Variants in TBC1D14 observed in about 807,000 individuals in gnomAD.
TBC1D14 encodes TBC1 domain family, member 14.
Under a neutral mutation model 79.0 loss-of-function variants are expected in TBC1D14, and 26 were observed. The ratio of observed to expected loss-of-function variants is 0.33; its 90% CI spans 0.24 to 0.46. The LOEUF (loss-of-function observed/expected upper bound fraction) is 0.46. Ranked by LOEUF, TBC1D14 falls within the 20% of genes least tolerant of loss-of-function variation. The probability of loss-of-function intolerance (pLI) is 1.00; values close to 1 mark genes in which losing one functional copy is unlikely to be tolerated. For synonymous variants in TBC1D14, 394 were observed against 349.9 expected, an observed-to-expected ratio of 1.13 and a Z score of -1.40; for missense variants, 769 against 887.6, an observed-to-expected ratio of 0.87 and a Z score of 1.70.
chr4:6,974,133 G>A (rs934657832), intron 3 of TBC1D14, among the ~76,000 whole-genome samples: 3 of 152,036 alleles, frequency 2.0e-5, no homozygotes, highest in African/African-American at 4.8e-5. Context: ...GACATGAGCC[G>A]CTGCGCCCAG....
At chr4:6,979,938 T>A (rs1472068908) in intron 3 of TBC1D14, among the ~76,000 whole-genome samples, 1 of 152,194 alleles carries the variant, frequency 6.6e-6, no homozygotes, top group African/African-American at 2.4e-5. Flanking sequence ...CTGAAACAAA[T>A]GGACACGTCC....
At chr4:6,997,725 T>G (rs1289073494) in intron 5 of TBC1D14, among the ~76,000 whole-genome samples, 1 of 152,208 alleles carries the variant, frequency 6.6e-6, no homozygotes, top group Non-Finnish European at 1.5e-5. Flanking sequence ...TGTGGCCACA[T>G]GAAGGAATCT....
chr4:6,988,705 T>A (rs1718140136), intron 3 of TBC1D14, among the ~76,000 whole-genome samples: 1 of 152,122 alleles, frequency 6.6e-6, no homozygotes, highest in Non-Finnish European at 1.5e-5. Context: ...CCTTTCCTCT[T>A]CTAGGTAAAA....
At chr4:6,926,911 C>G (rs1293429618) in intron 2 of TBC1D14, among the ~76,000 whole-genome samples, 11 of 152,246 alleles carry the variant, frequency 7.2e-5, no homozygotes, top group Non-Finnish European at 1.5e-5. Context: ...TGTTTCCCCA[C>G]TTTGTCCCCT....
intron 3 of TBC1D14, among the ~76,000 whole-genome samples, chr4:6,977,093 T>G (rs200241946): frequency 0.47 from 4,592 of 9,770 alleles, 1,643 homozygotes; most frequent in East Asian, 0.71. Flanking sequence ...CTCTCCCCAC[T>G]GTCTCCCTCT....
At chr4:7,015,165 CG>C (rs1721159684) in intron 12 of TBC1D14, among the ~76,000 whole-genome samples, 1 of 151,600 alleles carries the variant, frequency 6.6e-6, no homozygotes, top group Non-Finnish European at 1.5e-5. Context: ...GGCAGGATTG[CG>C]GGGCCAGGGG....
At chr4:6,962,322 G>A (rs372806477) in intron 2 of TBC1D14, among the ~76,000 whole-genome samples, 12 of 152,258 alleles carry the variant, frequency 7.9e-5, no homozygotes, top group African/African-American at 2.9e-4. Context: ...CGCTGCGACG[G>A]TGCGGGTGGC....
At chr4:6,919,764 G>T (rs1723690771) in intron 1 of TBC1D14, among the ~76,000 whole-genome samples, 1 of 152,060 alleles carries the variant, frequency 6.6e-6, no homozygotes, top group South Asian at 2.1e-4. Context: ...AGGATTACAG[G>T]CGTGCGCCAC....
chr4:6,984,162 T>C (rs6446558), intron 3 of TBC1D14, among the ~76,000 whole-genome samples: 147,730 of 152,246 alleles, frequency 0.97, 71,833 homozygotes, highest in Middle Eastern at 1. Flanking sequence ...ATTAGAAAGC[T>C]GGAATGTGTA....
At chr4:6,929,033 G>A (rs1188482148) in intron 2 of TBC1D14, among the ~76,000 whole-genome samples, 5 of 152,278 alleles carry the variant, frequency 3.3e-5, no homozygotes, top group Admixed American at 2.0e-4. Context: ...TGTTAATATT[G>A]CTGGTGACTT....
At chr4:7,000,966 G>T (rs938196810) in intron 6 of TBC1D14, among the ~76,000 whole-genome samples, 179 bp from the exon 7 acceptor site, 2 of 152,178 alleles carry the variant, frequency 1.3e-5, no homozygotes, top group Non-Finnish European at 2.9e-5. Context: ...GCAGCTGCCA[G>T]TGGAAGGGGA....
intron 3 of TBC1D14, among the ~76,000 whole-genome samples, chr4:6,979,451 C>A (rs561439111): frequency 6.6e-6 from 1 of 152,204 alleles, no homozygotes; most frequent in South Asian, 2.1e-4. Flanking sequence ...CATAGTGAGA[C>A]CCTGTCTCTA....
chr4:6,997,541 G>T (rs1399027174), intron 5 of TBC1D14, among the ~76,000 whole-genome samples: 1 of 152,066 alleles, frequency 6.6e-6, no homozygotes, highest in African/African-American at 2.4e-5. Context: ...CAGGAGAATC[G>T]CTTGAACCCA....
chr4:6,911,578 T>G (rs1296133818), intron 1 of TBC1D14, among the ~76,000 whole-genome samples: 1 of 152,244 alleles, frequency 6.6e-6, no homozygotes, highest in Non-Finnish European at 1.5e-5. Flanking sequence ...TCCCCTGTGT[T>G]CCTTTAGCCC....
intron 10 of TBC1D14, 37 bp downstream of exon 10, chr4:7,009,985 T>A: frequency 6.2e-7 from 1 of 1,610,158 alleles, no homozygotes; most frequent in Non-Finnish European, 8.5e-7. Flanking sequence ...AATGTTGTTA[T>A]CTAAAAAGAA....
At chr4:6,912,852 G>T (rs567439663) in intron 1 of TBC1D14, among the ~76,000 whole-genome samples, 10 of 152,314 alleles carry the variant, frequency 6.6e-5, no homozygotes, top group Admixed American at 3.9e-4. Context: ...ACCAAGGCTC[G>T]GGGAAGTTAA....
chr4:6,916,238 A>G (rs887934569), intron 1 of TBC1D14, among the ~76,000 whole-genome samples: 1 of 152,022 alleles, frequency 6.6e-6, no homozygotes, highest in African/African-American at 2.4e-5. Flanking sequence ...CAGATAGGAC[A>G]GTGGTGCCCC....
chr4:6,990,724 T>C (rs1313460117), intron 3 of TBC1D14, among the ~76,000 whole-genome samples: 2 of 152,150 alleles, frequency 1.3e-5, no homozygotes, highest in Non-Finnish European at 2.9e-5. Context: ...TTTACATATC[T>C]TATCTCTTGA....
At chr4:7,021,977 G>T (rs980335988) in intron 12 of TBC1D14, among the ~76,000 whole-genome samples, 1 of 152,222 alleles carries the variant, frequency 6.6e-6, no homozygotes, top group African/African-American at 2.4e-5. Flanking sequence ...GCTTCTTTGG[G>T]GCCAGGACAG....
Sources: allele counts gnomAD v4.1 joint callset (sites outside exome capture counted in the v4.1 genomes callset), GRCh38; gene constraint gnomAD v4.1.1; transcripts MANE v1.5; gene names NCBI Gene and HGNC (gene_info 2026-07-23, HGNC 2026-07-21).